The following PPP4R4 variants were observed in gnomAD, a reference collection of about 807,000 sequenced individuals.
PPP4R4 encodes protein phosphatase 4 regulatory subunit 4.
In PPP4R4, 70 loss-of-function variants were observed where a neutral mutation model predicts 121.8. That is an observed-to-expected ratio of 0.57 (90% confidence interval 0.47 to 0.70). PPP4R4 has a LOEUF of 0.70. Among genes scored for constraint, PPP4R4 ranks in the 30% least tolerant of loss-of-function variants. The pLI, the probability that PPP4R4 is intolerant of heterozygous loss-of-function variation, is 0.00. For synonymous variants in PPP4R4, 348 were observed against 355.7 expected (o/e 0.98, Z 0.24); for missense variants, 875 against 1,033.6 (o/e 0.85, Z 2.10).
intron 16 of PPP4R4, among the ~76,000 whole-genome samples, chr14:94,254,086 A>C (rs956376524): frequency 2.6e-5 from 4 of 152,206 alleles, no homozygotes; most frequent in African/African-American, 9.7e-5. Flanking sequence ...TCTGAGGTAC[A>C]AATAACTGAG....
intron 2 of PPP4R4, among the ~76,000 whole-genome samples, chr14:94,182,063 A>G (rs1889021426): frequency 6.6e-6 from 1 of 152,072 alleles, no homozygotes; most frequent in Non-Finnish European, 1.5e-5. Flanking sequence ...TCACATCTCA[A>G]ACACCTTTGT....
chr14:94,259,644 A>AT (rs1423020528), intron 19 of PPP4R4, among the ~76,000 whole-genome samples: 1 of 152,222 alleles, frequency 6.6e-6, no homozygotes, highest in Non-Finnish European at 1.5e-5. Flanking sequence ...CGATGAAACC[A>AT]TCACCACAAT....
Position 94,275,462 on chromosome 14 carries a change from T to C in PPP4R4, c.2538T>C (p.Gly846=). The C allele has an allele frequency of 2.5e-6, 4 of 1,614,070 alleles. No individual in the cohort carries two copies. Among genetic ancestry groups the C allele is most frequent in the Non-Finnish European group, 3.4e-6 (4 of 1,179,952 alleles). Residue 846 remains glycine, a synonymous_variant, in exon 24 of 25, where the codon GGT becomes GGC. Transcript: ENST00000304338. ...TACCGAGTACTTCCCGTGGGACAGG[T>C]AACTCAGTTGACCCCAAGAGCAGTG... The part of the protein sequence containing the change: ...TPLPSTSRGT[G]NSVDPKSSGS...
At chr14:94,231,504 C>T (rs1892034859) in intron 5 of PPP4R4, among the ~76,000 whole-genome samples, 189 bp downstream of exon 5, 1 of 152,110 alleles carries the variant, frequency 6.6e-6, no homozygotes, top group South Asian at 2.1e-4. Flanking sequence ...TAGCTCTGTA[C>T]TTGTCCACTT....
chr14:94,178,688 G>T (rs1027376823), intron 2 of PPP4R4, among the ~76,000 whole-genome samples: 27 of 152,144 alleles, frequency 1.8e-4, no homozygotes, highest in Admixed American at 3.3e-4. Flanking sequence ...TGACACAGAT[G>T]AATTTGTGGT....
At chr14:94,238,527 G>T (rs564178016) in intron 8 of PPP4R4, among the ~76,000 whole-genome samples, 2 of 152,292 alleles carry the variant, frequency 1.3e-5, no homozygotes, top group East Asian at 3.9e-4. Flanking sequence ...AGAAATTTGG[G>T]ATGGGGTATT....
At chr14:94,217,008 A>G (rs1028036234) in intron 3 of PPP4R4, among the ~76,000 whole-genome samples, 7 of 152,078 alleles carry the variant, frequency 4.6e-5, no homozygotes, top group African/African-American at 1.7e-4. Context: ...CCCCTCCCGC[A>G]CCCCAAGATA....
intron 8 of PPP4R4, among the ~76,000 whole-genome samples, chr14:94,238,786 A>T (rs1429904350): frequency 6.6e-6 from 1 of 152,222 alleles, no homozygotes; most frequent in African/African-American, 2.4e-5. Flanking sequence ...GAACTCTAGG[A>T]AGCCTCTTAA....
chr14:94,256,397 T>C, intron 16 of PPP4R4, 63 bp from the exon 17 acceptor site: 6 of 1,379,950 alleles, frequency 4.3e-6, no homozygotes, highest in Non-Finnish European at 5.9e-6. Context: ...TTGATTTTTG[T>C]TTTATGTTTC....
At chr14:94,259,726 C>T (rs764423498) in intron 19 of PPP4R4, among the ~76,000 whole-genome samples, 1 of 152,180 alleles carries the variant, frequency 6.6e-6, no homozygotes, top group Admixed American at 6.5e-5. Flanking sequence ...ACTCTAGTCC[C>T]CAACAACCAA....
chr14:94,195,143 TA>T (rs1171938329), intron 2 of PPP4R4, among the ~76,000 whole-genome samples: 1 of 152,194 alleles, frequency 6.6e-6, no homozygotes, highest in African/African-American at 2.4e-5. Flanking sequence ...CACTCACATC[TA>T]AAAAATGTTA....
chr14:94,233,154 A>C (rs1892141922), intron 5 of PPP4R4, among the ~76,000 whole-genome samples: 1 of 152,160 alleles, frequency 6.6e-6, no homozygotes, highest in African/African-American at 2.4e-5. Flanking sequence ...ATGGTCTGTC[A>C]GGCTGTTGTA....
intron 8 of PPP4R4, among the ~76,000 whole-genome samples, chr14:94,239,001 T>G (rs982408928): frequency 1.6e-4 from 24 of 152,172 alleles, no homozygotes; most frequent in Admixed American, 5.9e-4. Context: ...CCACACCCAT[T>G]TATCACAGAG....
intron 19 of PPP4R4, among the ~76,000 whole-genome samples, chr14:94,263,696 C>G (rs892119969): frequency 6.6e-6 from 1 of 152,116 alleles, no homozygotes; most frequent in African/African-American, 2.4e-5. Context: ...ACAAGGACTT[C>G]AAGATAACTG....
At chr14:94,264,799 C>G in intron 19 of PPP4R4, 79 bp from the exon 20 acceptor site, 1 of 1,079,012 alleles carries the variant, frequency 9.3e-7, no homozygotes, top group South Asian at 1.4e-5. Flanking sequence ...ACTTGAATCT[C>G]TAATGCTTAA....
intron 12 of PPP4R4, among the ~76,000 whole-genome samples, chr14:94,245,063 TA>T (rs1233015442): frequency 1.2e-4 from 19 of 152,148 alleles, no homozygotes; most frequent in Non-Finnish European, 2.4e-4. Context: ...TAAAGGTTTT[TA>T]TTTTACTCAA....
intron 16 of PPP4R4, among the ~76,000 whole-genome samples, chr14:94,253,963 C>T (rs766305767): frequency 1.3e-5 from 2 of 152,164 alleles, no homozygotes; most frequent in Non-Finnish European, 2.9e-5. Context: ...GGACAGTTTC[C>T]GGAGCCACAC....
intron 2 of PPP4R4, among the ~76,000 whole-genome samples, chr14:94,183,946 T>C (rs947588400): frequency 1.1e-4 from 16 of 152,130 alleles, no homozygotes; most frequent in African/African-American, 3.9e-4. Flanking sequence ...ATTTGAATAA[T>C]GTGTCAAGTT....
chr14:94,230,583 A>G lies in PPP4R4; in HGVS notation c.295-4A>G, dbSNP rs1346091056. ...TAAATAGCAAACTCTTTCTGATTAT[A>G]CAGGAAGCCCTGCATGTTGCAGGAG... On this transcript the variant is annotated splice_polypyrimidine_tract_variant and splice_region_variant and intron_variant, in intron 3 of 24. Transcript: ENST00000304338. 1 of 1,607,340 alleles carries G rather than the reference A, an allele frequency of 6.2e-7. No individual in the cohort carries two copies. The highest frequency in any genetic ancestry group is 1.3e-5 in the African/African-American group (1 of 74,684).
Sources: gnomAD v4.1 joint callset for allele counts (sites outside exome capture counted in the v4.1 genomes callset) on GRCh38, gnomAD v4.1.1 for gene constraint, MANE v1.5 for transcripts, NCBI Gene and HGNC (gene_info 2026-07-23, HGNC 2026-07-21) for gene names.